Variants in EMID1 observed in about 807,000 individuals in gnomAD.
EMID1 encodes EMI domain containing 1, also known as EMI domain-containing protein 1.
EMID1 carries 40 observed loss-of-function variants against 60.6 expected under a neutral mutation model. That is an observed-to-expected ratio of 0.66 (90% CI 0.51 to 0.86). EMID1 has a LOEUF of 0.86. Among genes scored for constraint, EMID1 ranks in the 40% least tolerant of loss-of-function variants. The pLI, the probability that EMID1 is intolerant of heterozygous loss-of-function variation, is 0.00. For synonymous variants in EMID1, 242 were observed against 231.0 expected (o/e 1.05, Z -0.43); for missense variants, 585 against 597.1 (o/e 0.98, Z 0.21).
chr22:29,211,695 G>A (rs2039890236), intron 1 of EMID1, among the ~76,000 whole-genome samples: 1 of 152,248 alleles, frequency 6.6e-6, no homozygotes, highest in Admixed American at 6.5e-5. Context: ...GCGAGCATCT[G>A]CTCACTGGCA....
chr22:29,245,756 CTG>C (rs755094706), intron 13 of EMID1, among the ~76,000 whole-genome samples: 22 of 152,284 alleles, frequency 1.4e-4, no homozygotes, highest in South Asian at 1.2e-3. Context: ...ACTGGAGTGA[CTG>C]TGCTGGGCCT....
At chr22:29,245,678 A>C (rs1424824008) in intron 13 of EMID1, among the ~76,000 whole-genome samples, 1 of 152,214 alleles carries the variant, frequency 6.6e-6, no homozygotes, top group Non-Finnish European at 1.5e-5. Context: ...CCCTTAGTGC[A>C]GCTTGCAGAT....
At chr22:29,227,481 G>A (rs1488745421) in intron 5 of EMID1, among the ~76,000 whole-genome samples, 1 of 151,960 alleles carries the variant, frequency 6.6e-6, no homozygotes, top group Admixed American at 6.6e-5. Flanking sequence ...GAGGCAGGTG[G>A]ATTGCTTGAG....
chr22:29,256,967 G>A (rs1247689473), intron 14 of EMID1, among the ~76,000 whole-genome samples: 1 of 152,154 alleles, frequency 6.6e-6, no homozygotes, highest in Non-Finnish European at 1.5e-5. Context: ...ACAGAGAGGG[G>A]CCAAGGACCA....
chr22:29,245,714 A>ACAC (rs1317512840), intron 13 of EMID1, among the ~76,000 whole-genome samples: 1 of 152,188 alleles, frequency 6.6e-6, no homozygotes, highest in Non-Finnish European at 1.5e-5. Context: ...CCCAGCAGTG[A>ACAC]CACCTGGTGG....
chr22:29,233,153 C>T, intron 8 of EMID1: 1 of 585,030 alleles, frequency 1.7e-6, no homozygotes, highest in South Asian at 2.2e-5. Context: ...TGCTGGATGT[C>T]ACCAGCTGGA....
chr22:29,221,187 C>A (rs1464484403), intron 3 of EMID1, among the ~76,000 whole-genome samples: 1 of 149,910 alleles, frequency 6.7e-6, no homozygotes, highest in Non-Finnish European at 1.5e-5. Context: ...CAGAGTGGAG[C>A]TGGGGTTTGT....
At chr22:29,225,430 C>T (rs1456068648) in intron 4 of EMID1, among the ~76,000 whole-genome samples, 3 of 152,254 alleles carry the variant, frequency 2.0e-5, no homozygotes, top group Admixed American at 1.3e-4. Context: ...TGGGCCCAGA[C>T]ACCCTGAGAC....
At chr22:29,243,582 G>A in intron 13 of EMID1, 93 bp downstream of exon 13, 3 of 1,450,160 alleles carry the variant, frequency 2.1e-6, no homozygotes, top group Non-Finnish European at 2.9e-6. Flanking sequence ...GGGAGTGGGA[G>A]CATCCCATCC....
intron 14 of EMID1, among the ~76,000 whole-genome samples, chr22:29,258,475 C>T (rs2041785014): frequency 6.6e-6 from 1 of 152,194 alleles, no homozygotes; most frequent in Non-Finnish European, 1.5e-5. Flanking sequence ...TGACTCAGGG[C>T]ACACCTCCAC....
At chr22:29,215,254 G>A (rs2040041496) in intron 2 of EMID1, 1 of 985,320 alleles carries the variant, frequency 1.0e-6, no homozygotes, top group Admixed American at 6.1e-5. Context: ...CCATTTGCCT[G>A]CATTCCTTTA....
intron 12 of EMID1, among the ~76,000 whole-genome samples, chr22:29,241,909 T>C (rs1320364867): frequency 3.3e-5 from 5 of 152,078 alleles, no homozygotes; most frequent in Non-Finnish European, 5.9e-5. Flanking sequence ...GTGCTTTATA[T>C]TTCTTTATTT....
In EMID1 at chr22:29,205,941, C is replaced by G; in HGVS notation, c.-98C>G. On this transcript the variant is annotated 5_prime_UTR_variant, in exon 1 of 15. Coordinates refer to ENST00000334018, the MANE Select transcript of EMID1 (RefSeq NM_133455.4). ...CCGCGGAGCTGGAAACCGGGCTCCG[C>G]GCGTCCGGGGCGGCTGGCGGCGCGG... The G allele has an allele frequency of 1.5e-6, 1 of 677,328 alleles. No homozygotes were observed. 42.0% of individuals were successfully genotyped at this position (677,328 alleles called of 1,614,324 possible). A position where few individuals can be genotyped will look rare whatever the true frequency, so the allele number is the denominator to read the frequency against.
At position 29,249,587 on chromosome 22, in the gene EMID1, A is replaced by ATTATTTATTTAT. The variant is rs140494856; in HGVS notation, c.1120-4585_1120-4574dup. On this transcript the variant is annotated intron_variant, in intron 13 of 14. Transcript: ENST00000334018. Reference sequence around the variant, plus strand: ...TGCGCCTGACCCCCAAAATACCTTTATTATTTATTTATTTATTTATTTATT... The same window carrying ATTATTTATTTAT: ...TGCGCCTGACCCCCAAAATACCTTTATTATTTATTTATTTATTTATTTATTTATTTATTTATT... 1.0e-3 allele frequency among the ~76,000 whole-genome samples: 146 copies of ATTATTTATTTAT among 139,566 alleles called. 1 individual carries two copies. The highest frequency in any genetic ancestry group is 3.4e-3 in the African/African-American group (126 of 36,826). The allele number at this position is 139,566 out of a possible 152,430, so 91.6% of individuals were successfully genotyped here.
At position 29,232,370 on chromosome 22, in the gene EMID1, T is replaced by C. The variant is rs1370293097; in HGVS notation, c.791T>C (p.Val264Ala). The C allele has an allele frequency of 6.2e-7, 1 of 1,600,624 alleles. No individual in the cohort carries two copies. The highest frequency in any genetic ancestry group is 1.7e-5 in the Admixed American group (1 of 57,810). The part of the protein sequence containing the change: ...PPGPPGPPAP[V>A]GPPHARISQH... ...GGCCCCCCTGGGCCCCCAGCCCCTG[T>C]TGGGCCACCCCATGCCCGGATCTCC... is the stretch of plus-strand genomic sequence containing the variant. The change falls in exon 8 of 15, where the codon GTT becomes GCT. Residue 264 changes from valine to alanine, a missense_variant. Coordinates refer to ENST00000334018, the MANE Select transcript of EMID1 (RefSeq NM_133455.4).
chr22:29,234,384 C>T (rs2040868215), intron 12 of EMID1, 35 bp downstream of exon 12: 1 of 1,607,666 alleles, frequency 6.2e-7, no homozygotes, highest in Non-Finnish European at 8.5e-7. Context: ...TTCATCCCTG[C>T]AGGATCCCTT....
intron 8 of EMID1, chr22:29,233,086 T>A (rs1418202780): frequency 2.2e-6 from 1 of 448,470 alleles, no homozygotes; most frequent in African/African-American, 1.9e-5. Context: ...AATGGTATCT[T>A]TTATTGTCAT....
At chr22:29,249,877 A>C (rs926247385) in intron 13 of EMID1, among the ~76,000 whole-genome samples, 2 of 151,918 alleles carry the variant, frequency 1.3e-5, no homozygotes, top group African/African-American at 2.4e-5. Flanking sequence ...AGCCTCCCAA[A>C]GTGCTGGGAC....
intron 1 of EMID1, among the ~76,000 whole-genome samples, chr22:29,211,739 C>G (rs960894702): frequency 3.3e-5 from 5 of 152,246 alleles, no homozygotes; most frequent in Admixed American, 2.6e-4. Flanking sequence ...GGCCCCTTTC[C>G]TGTCTCCAGA....
Sources: allele counts gnomAD v4.1 joint callset (sites outside exome capture counted in the v4.1 genomes callset), GRCh38; gene constraint gnomAD v4.1.1; transcripts MANE v1.5; gene names NCBI Gene and HGNC (gene_info 2026-07-23, HGNC 2026-07-21).